The following PCDHGA6 variants were observed in gnomAD, a reference collection of about 807,000 sequenced individuals.
The protein encoded by PCDHGA6 is protocadherin gamma-A6.
Under a neutral mutation model 60.6 loss-of-function variants are expected in PCDHGA6, and 41 were observed. The ratio of observed to expected loss-of-function variants is 0.68; its 90% CI spans 0.53 to 0.88. The LOEUF is 0.88. PCDHGA6 is among the 40% of genes least tolerant of loss of function. The probability of loss-of-function intolerance (pLI) is 0.00; values close to 1 mark genes in which losing one functional copy is unlikely to be tolerated. For missense variants in PCDHGA6, 1,312 were observed against 1,203.0 expected, an observed-to-expected ratio of 1.09 and a Z score of -1.34; for synonymous variants, 594 against 524.4, an observed-to-expected ratio of 1.13 and a Z score of -1.81.
chr5:141,511,713 C>T lies in PCDHGA6; in HGVS notation c.*540C>T. 5.4e-6 allele frequency: 1 copy of T among 186,446 alleles called. No individual in the cohort carries two copies. Among genetic ancestry groups the T allele is most frequent in the Admixed American group, 5.3e-5 (1 of 18,840 alleles). The allele number at this position is 186,446 out of a possible 1,614,324, so 11.5% of individuals were successfully genotyped here. ...TTGGTGCCAGCCCCTTCACCTCCTT[C>T]CAGAGCCCAAGATCAATGCTCAAGT... On this transcript the variant is annotated 3_prime_UTR_variant, in exon 4 of 4. Transcript: ENST00000517434.
chr5:141,379,623 A>G (rs1775713746), intron 1 of PCDHGA6: 1 of 152,198 alleles, frequency 6.6e-6, no homozygotes, highest in African/African-American at 2.4e-5. Flanking sequence ...AACAAATAAA[A>G]TATTTCTCTG....
rs778684539 is a variant in PCDHGA6 at position 141,477,205 on chromosome 5, G to A, written c.2425-17602G>A. ...CCTCCGTGTACAGCCCAGTACCCGA[G>A]GATGCCCCTCTGGGGACTGTCATCG... On this transcript the variant is annotated intron_variant, in intron 1 of 3. Transcript: ENST00000517434. The surrounding 1 kb of genome is among the most constrained non-coding windows in gnomAD (Gnocchi z 4.9). 1 of 1,614,184 alleles carries A rather than the reference G, an allele frequency of 6.2e-7. No homozygotes were observed. The highest frequency in any genetic ancestry group is 8.5e-7 in the Non-Finnish European group (1 of 1,180,042).
Position 141,476,176 on chromosome 5 carries a change from G to C in PCDHGA6, c.2425-18631G>C, listed in dbSNP as rs778169270. 1 of 1,613,530 alleles carries C rather than the reference G, an allele frequency of 6.2e-7. No homozygotes were observed. The highest frequency in any genetic ancestry group is 8.5e-7 in the Non-Finnish European group (1 of 1,180,006). On this transcript the variant is annotated intron_variant, in intron 1 of 3. Transcript: ENST00000517434. The surrounding 1 kb of genome is among the most constrained non-coding windows in gnomAD (Gnocchi z 7.6). ...GCACCGGGAGGGTAGTGGGAGTTTT[G>C]CTTCTGCTTGGTGCCTTGAACAAGG...
Position 141,423,519 on chromosome 5 carries a change from G to A in PCDHGA6, c.2424+47012G>A, listed in dbSNP as rs758742300. On this transcript the variant is annotated intron_variant, in intron 1 of 3. Coordinates refer to ENST00000517434, the MANE Select transcript of PCDHGA6 (RefSeq NM_018919.3). ...ACGAGGTCTCTCTCATTGCGGACTC[G>A]CAGAAGAGTCACCTGATTTTCCCCC... 8.1e-6 allele frequency: 13 copies of A among 1,613,752 alleles called. 1 individual carries two copies. In the South Asian group the frequency reaches 1.1e-4, roughly 14 times the overall value.
At chr5:141,498,881 T>C (rs9686648) in intron 2 of PCDHGA6, among the ~76,000 whole-genome samples, 77,838 of 149,554 alleles carry the variant, frequency 0.52, 20,828 homozygotes, top group African/African-American at 0.65. Flanking sequence ...TGCAGTGAGC[T>C]GAGATCACAC....
chr5:141,453,721 A>G (rs373983847), intron 1 of PCDHGA6, among the ~76,000 whole-genome samples: 4 of 152,244 alleles, frequency 2.6e-5, no homozygotes, highest in East Asian at 1.9e-4. Flanking sequence ...CTATAAAAAT[A>G]TTTGTTACTA....
At chr5:141,403,891 A>T (rs779525294) in intron 1 of PCDHGA6, 17 of 1,613,752 alleles carry the variant, frequency 1.1e-5, no homozygotes, top group Admixed American at 1.0e-4. Flanking sequence ...AAGAATGTTC[A>T]TTTTATGAAA....
intron 1 of PCDHGA6, among the ~76,000 whole-genome samples, chr5:141,473,948 A>ACC (rs2099333859): frequency 1.3e-5 from 2 of 152,182 alleles, no homozygotes; most frequent in Non-Finnish European, 2.9e-5. Context: ...TCAGGCCTGT[A>ACC]GTCCCATCTA....
Position 141,393,006 on chromosome 5 carries a change from C to T in PCDHGA6, c.2424+16499C>T, listed in dbSNP as rs182052960. On this transcript the variant is annotated intron_variant, in intron 1 of 3. Coordinates refer to ENST00000517434, the MANE Select transcript of PCDHGA6 (RefSeq NM_018919.3). ...CCGGAAGCTGGCGAAGCACGGAGTC[C>T]GTATCGTCTCCAGAGGTAGGACGCA... is the stretch of plus-strand genomic sequence containing the variant. 3.5e-3 allele frequency: 5,649 copies of T among 1,613,866 alleles called. 26 individuals are homozygous for T. The highest frequency in any genetic ancestry group is 4.1e-3 in the Non-Finnish European group (4,855 of 1,179,884).
At position 141,491,692 on chromosome 5, in the gene PCDHGA6, C is replaced by A. The variant is rs749349869; in HGVS notation, c.2425-3115C>A. The A allele has an allele frequency of 6.2e-7, 1 of 1,612,592 alleles. No homozygotes were observed. Among genetic ancestry groups the A allele is most frequent in the Non-Finnish European group, 8.5e-7 (1 of 1,179,338 alleles). On this transcript the variant is annotated intron_variant, in intron 1 of 3. Coordinates refer to ENST00000517434, the MANE Select transcript of PCDHGA6 (RefSeq NM_018919.3). This position sits in a 1 kb window ranked among gnomAD's most constrained non-coding sequence, Gnocchi z 6.9. ...GTCCCGCTCTAATACGCTGCGGGAG[C>A]GGAGCCAGGTGAGGGGCTCGGCGCC...
intron 1 of PCDHGA6, among the ~76,000 whole-genome samples, chr5:141,401,851 T>C (rs902809229): frequency 3.9e-5 from 6 of 152,242 alleles, no homozygotes; most frequent in African/African-American, 1.4e-4. Context: ...CACTTACTTT[T>C]AACCTTTCAG....
rs1230384508 is a variant in PCDHGA6 at position 141,490,990 on chromosome 5, C to T, written c.2425-3817C>T. On this transcript the variant is annotated intron_variant, in intron 1 of 3. Coordinates refer to ENST00000517434, the MANE Select transcript of PCDHGA6 (RefSeq NM_018919.3). The surrounding 1 kb of genome is among the most constrained non-coding windows in gnomAD (Gnocchi z 5.4). ...CCCCCAGCGTCTCCCTCGCTCTGCT[C>T]CTCCTGGCTCCTTGGTCACCAAGGT... 6 of 1,614,102 alleles carry T rather than the reference C, an allele frequency of 3.7e-6. No homozygotes were observed. The highest frequency in any genetic ancestry group is 1.3e-5 in the African/African-American group (1 of 75,064).
intron 1 of PCDHGA6, chr5:141,441,139 G>C (rs1000704603): frequency 6.6e-6 from 1 of 152,172 alleles, no homozygotes; most frequent in African/African-American, 2.4e-5. Context: ...ATTTCTAGAA[G>C]ATAATGACAA....
rs1210499024 is a variant in PCDHGA6 at position 141,431,784 on chromosome 5, A to T, written c.2424+55277A>T. ...CTGATCACTGTTCTGGACGTGAACG[A>T]CAATGCCCCAGAAGTGGTCCTCACC... On this transcript the variant is annotated intron_variant, in intron 1 of 3. Transcript: ENST00000517434. This position sits in a 1 kb window ranked among gnomAD's most constrained non-coding sequence, Gnocchi z 4.8. The T allele has an allele frequency of 6.2e-7, 1 of 1,614,102 alleles. No homozygotes were observed. The highest frequency in any genetic ancestry group is 8.5e-7 in the Non-Finnish European group (1 of 1,180,030).
At chr5:141,395,398 T>A (rs976008795) in intron 1 of PCDHGA6, 8 of 863,662 alleles carry the variant, frequency 9.3e-6, no homozygotes, top group South Asian at 2.0e-5. Context: ...TGAACTCTAA[T>A]AGTCATAGGT....
intron 1 of PCDHGA6, chr5:141,388,568 AC>A: frequency 6.2e-7 from 1 of 1,613,888 alleles, no homozygotes; most frequent in East Asian, 2.2e-5. Context: ...CTGCACAGAT[AC>A]ACGTTCTAGT....
chr5:141,389,464 A>G (rs1277929756), intron 1 of PCDHGA6: 1 of 1,613,306 alleles, frequency 6.2e-7, no homozygotes, highest in Admixed American at 1.7e-5. Flanking sequence ...CGCGCCTTCG[A>G]ACTCACACTG....
At chr5:141,453,745 A>G (rs1208061874) in intron 1 of PCDHGA6, among the ~76,000 whole-genome samples, 1 of 152,264 alleles carries the variant, frequency 6.6e-6, no homozygotes, top group African/African-American at 2.4e-5. Context: ...CTTAAATAAC[A>G]TAAGTCTCCT....
chr5:141,492,602 C>G (rs1352851783), intron 1 of PCDHGA6, among the ~76,000 whole-genome samples: 2 of 152,222 alleles, frequency 1.3e-5, no homozygotes, highest in Non-Finnish European at 2.9e-5. Flanking sequence ...GAGCGACTGC[C>G]GCTCTAAGTG....
Sources: allele counts gnomAD v4.1 joint callset (sites outside exome capture counted in the v4.1 genomes callset), GRCh38; gene constraint gnomAD v4.1.1; non-coding constraint Gnocchi (gnomAD v3.1); transcripts MANE v1.5; gene names NCBI Gene and HGNC (gene_info 2026-07-23, HGNC 2026-07-21).